Variants in DPP6 observed in about 807,000 individuals in gnomAD.
The protein encoded by DPP6 is A-type potassium channel modulatory protein DPP6.
In DPP6, 69 loss-of-function variants were observed where a neutral mutation model predicts 122.6. That is an observed-to-expected ratio of 0.56 (90% CI 0.46 to 0.69). The LOEUF is 0.69. Ranked by LOEUF, DPP6 falls within the 30% of genes least tolerant of loss-of-function variation. DPP6 has a pLI of 0.00. For missense variants in DPP6, 928 were observed against 1,116.9 expected (o/e 0.83, Z 2.41); for synonymous variants, 418 against 433.1 (o/e 0.97, Z 0.43).
chr7:154,687,133 A>G (rs76521749), intron 7 of DPP6, among the ~76,000 whole-genome samples: 1,680 of 152,318 alleles, frequency 0.011, 27 homozygotes, highest in African/African-American at 0.038. Context: ...ATACAGTAAC[A>G]TGAGTGTAGA....
Position 154,615,121 on chromosome 7 carries a change from G to A in DPP6, c.628-22700G>A, listed in dbSNP as rs566543450. ...GTTTTGCAGGGAGGCATATTGGGCT[G>A]GAAATCAAAAGGCCGTGGTTCTTGC... On this transcript the variant is annotated intron_variant, in intron 5 of 25. Transcript: ENST00000377770. Among the ~76,000 whole-genome samples the A allele has an allele frequency of 7.0e-4, 106 of 152,270 alleles. 2 individuals are homozygous for A. Among genetic ancestry groups the A allele is most frequent in the African/African-American group, 2.5e-3 (102 of 41,564 alleles).
chr7:153,896,693 A>G (rs1799428582), intron 1 of DPP6, among the ~76,000 whole-genome samples: 1 of 152,200 alleles, frequency 6.6e-6, no homozygotes, highest in Non-Finnish European at 1.5e-5. Context: ...TGTGGCTGTC[A>G]TCCTAGCTAC....
At chr7:153,929,372 T>C (rs1261478575) in intron 1 of DPP6, among the ~76,000 whole-genome samples, 1 of 152,040 alleles carries the variant, frequency 6.6e-6, no homozygotes, top group Non-Finnish European at 1.5e-5. Context: ...CTTCGTGTTG[T>C]GATTGGGAAA....
intron 1 of DPP6, among the ~76,000 whole-genome samples, chr7:153,955,355 C>T (rs1238253928): frequency 1.3e-5 from 2 of 152,170 alleles, no homozygotes; most frequent in African/African-American, 4.8e-5. Flanking sequence ...GAGTACTTAA[C>T]ATGGCCTATT....
chr7:154,036,052 G>A (rs895129361), intron 1 of DPP6, among the ~76,000 whole-genome samples: 3 of 151,494 alleles, frequency 2.0e-5, no homozygotes, highest in African/African-American at 7.3e-5. Context: ...GTGTGTATGT[G>A]AAAATAAACA....
At chr7:153,819,544 C>T in the DPP6 span, among the ~76,000 whole-genome samples, 2 of 152,262 alleles carry the variant, frequency 1.3e-5, no homozygotes, top group South Asian at 4.2e-4. Flanking sequence ...CACATCATGA[C>T]TGCTGCCTGA....
At chr7:154,593,964 G>A (rs1832947481) in intron 5 of DPP6, among the ~76,000 whole-genome samples, 1 of 152,220 alleles carries the variant, frequency 6.6e-6, no homozygotes, top group African/African-American at 2.4e-5. Flanking sequence ...TGAGTAATCT[G>A]TGCTCTGAGA....
intron 1 of DPP6, among the ~76,000 whole-genome samples, chr7:153,996,178 A>T (rs974462694): frequency 6.6e-6 from 1 of 152,198 alleles, no homozygotes; most frequent in Admixed American, 6.5e-5. Flanking sequence ...GTGATGACAC[A>T]TCCTGAAGAC....
At chr7:154,418,431 C>G (rs999964341) in intron 1 of DPP6, among the ~76,000 whole-genome samples, 1 of 152,186 alleles carries the variant, frequency 6.6e-6, no homozygotes, top group African/African-American at 2.4e-5. Context: ...AATATTTAAT[C>G]CATTTATCAA....
Position 154,608,320 on chromosome 7 carries a change from C to CATATATAT in DPP6, c.628-29486_628-29479dup, listed in dbSNP as rs35662023. Among the ~76,000 whole-genome samples the CATATATAT allele has an allele frequency of 3.7e-4, 33 of 90,004 alleles. 3 individuals are homozygous for CATATATAT. In the East Asian group the frequency reaches 3.9e-3, roughly 11 times the overall value. 59.0% of individuals were successfully genotyped at this position (90,004 alleles called of 152,430 possible). On this transcript the variant is annotated intron_variant, in intron 5 of 25. Transcript: ENST00000377770. ...CATGCTTGCATTTTTTAGGAGTGATCATATATATATATATATATATATTTT... is the reference window on the plus strand; with the variant it reads ...CATGCTTGCATTTTTTAGGAGTGATCATATATATATATATATATATATATATATATTTT...
chr7:154,131,387 C>A (rs1178134729), intron 1 of DPP6, among the ~76,000 whole-genome samples: 3 of 152,204 alleles, frequency 2.0e-5, no homozygotes, highest in African/African-American at 7.2e-5. Flanking sequence ...ATCTCAAAGG[C>A]CTTTTCCCTT....
intron 4 of DPP6, among the ~76,000 whole-genome samples, chr7:154,559,666 G>A (rs938875522): frequency 1.4e-4 from 21 of 151,990 alleles, no homozygotes; most frequent in African/African-American, 4.3e-4. Flanking sequence ...GAGGTGCTGC[G>A]AGCCAGAGGA....
At chr7:154,882,354 A>G (rs906520788) in intron 21 of DPP6, among the ~76,000 whole-genome samples, 1 of 152,194 alleles carries the variant, frequency 6.6e-6, no homozygotes, top group African/African-American at 2.4e-5. Context: ...CATTCTGCCC[A>G]GTGGATCCCG....
the DPP6 span, among the ~76,000 whole-genome samples, chr7:153,835,294 G>A: frequency 1.7e-4 from 26 of 152,168 alleles, no homozygotes; most frequent in East Asian, 5.0e-3. Flanking sequence ...TAAAAATAAA[G>A]GCTGTCTTCC....
chr7:153,895,286 G>A (rs1283837985), intron 1 of DPP6, among the ~76,000 whole-genome samples: 3 of 152,194 alleles, frequency 2.0e-5, no homozygotes, highest in Admixed American at 2.0e-4. Flanking sequence ...ACCAGCAGAA[G>A]TTGTTCTGGG....
At position 154,369,961 on chromosome 7, in the gene DPP6, T is replaced by TATGC. The variant is rs575083123; in HGVS notation, c.244-76250_244-76247dup. On this transcript the variant is annotated intron_variant, in intron 1 of 25. Transcript: ENST00000377770. Reference sequence around the variant, plus strand: ...CATCATATTCATGGGATAGCAGATATATGCATTTATTTATTTATTTATTTA... The same window carrying TATGC: ...CATCATATTCATGGGATAGCAGATATATGCATGCATTTATTTATTTATTTATTTA... Among the ~76,000 whole-genome samples, 300 of 135,418 alleles carry TATGC rather than the reference T, an allele frequency of 2.2e-3. 1 individual carries two copies. Among genetic ancestry groups the TATGC allele is most frequent in the African/African-American group, 8.1e-3 (288 of 35,736 alleles). 88.8% of individuals were successfully genotyped at this position (135,418 alleles called of 152,430 possible).
At chr7:153,803,024 T>G in the DPP6 span, among the ~76,000 whole-genome samples, 63,026 of 145,660 alleles carry the variant, frequency 0.43, 13,755 homozygotes, top group South Asian at 0.53. Context: ...ACTGCTGCTG[T>G]GTTCCACGTC....
chr7:154,090,977 C>T (rs1397843404), intron 1 of DPP6, among the ~76,000 whole-genome samples: 7 of 150,866 alleles, frequency 4.6e-5, no homozygotes, highest in African/African-American at 1.7e-4. Context: ...AAAAATTAGC[C>T]AGGCGTGGTG....
chr7:154,051,003 TA>T (rs1800277135), upstream of DPP6, among the ~76,000 whole-genome samples: 1 of 142,050 alleles, frequency 7.0e-6, no homozygotes, highest in Non-Finnish European at 1.6e-5. Context: ...CCCCCGCAGT[TA>T]GGGAAACAGA....
Sources: allele counts gnomAD v4.1 joint callset (sites outside exome capture counted in the v4.1 genomes callset), GRCh38; gene constraint gnomAD v4.1.1; transcripts MANE v1.5; gene names NCBI Gene and HGNC (gene_info 2026-07-23, HGNC 2026-07-21).